Variants in CADPS2 observed in about 807,000 individuals in gnomAD.
CADPS2 encodes calcium-dependent secretion activator 2.
A neutral mutation model predicts 172.5 loss-of-function variants in CADPS2; 93 were observed. The observed-to-expected ratio is 0.54, with a 90% CI of 0.46 to 0.64. The LOEUF (loss-of-function observed/expected upper bound fraction) is 0.64. Ranked by LOEUF, CADPS2 falls within the 30% of genes least tolerant of loss-of-function variation. The pLI, the probability that CADPS2 is intolerant of heterozygous loss-of-function variation, is 0.00. For synonymous variants in CADPS2, 546 were observed against 555.2 expected (o/e 0.98, Z 0.23); for missense variants, 1,420 against 1,565.9 (o/e 0.91, Z 1.57).
chr7:122,824,851 T>C (rs1804427667), intron 1 of CADPS2, among the ~76,000 whole-genome samples: 2 of 152,238 alleles, frequency 1.3e-5, no homozygotes. Flanking sequence ...TAGTATATCA[T>C]GTGAGGAACA....
intron 13 of CADPS2, among the ~76,000 whole-genome samples, chr7:122,472,736 T>A (rs947460097): frequency 6.6e-6 from 1 of 152,152 alleles, no homozygotes; most frequent in African/African-American, 2.4e-5. Flanking sequence ...AGAATAGGAT[T>A]TTGAGATGAT....
intron 8 of CADPS2, among the ~76,000 whole-genome samples, chr7:122,522,155 C>T (rs2131054930): frequency 6.6e-6 from 1 of 152,104 alleles, no homozygotes; most frequent in Middle Eastern, 3.4e-3. Context: ...CACTCTGTTG[C>T]CCAGGCTGGA....
intron 20 of CADPS2, among the ~76,000 whole-genome samples, chr7:122,395,811 T>C (rs1024082032): frequency 2.7e-5 from 4 of 150,942 alleles, no homozygotes; most frequent in African/African-American, 4.9e-5. Flanking sequence ...ATTTTTTTTT[T>C]CTTTTTTTTT....
At chr7:122,536,089 T>C (rs1225843023) in intron 8 of CADPS2, among the ~76,000 whole-genome samples, 1 of 152,134 alleles carries the variant, frequency 6.6e-6, no homozygotes, top group Admixed American at 6.6e-5. Flanking sequence ...ACCTAAATTT[T>C]ATAATGTAAA....
chr7:122,601,847 T>C (rs559642884), intron 6 of CADPS2, among the ~76,000 whole-genome samples: 1 of 152,082 alleles, frequency 6.6e-6, no homozygotes, highest in Admixed American at 6.6e-5. Flanking sequence ...CTGTGGACAA[T>C]AGCTCTCATG....
At chr7:122,636,224 TA>T (rs894231295) in intron 3 of CADPS2, among the ~76,000 whole-genome samples, 38 of 152,166 alleles carry the variant, frequency 2.5e-4, no homozygotes, top group African/African-American at 8.9e-4. Context: ...GTTTTTGTGG[TA>T]GCAGGTTTTG....
chr7:122,639,219 T>C (rs888404891), intron 3 of CADPS2, among the ~76,000 whole-genome samples: 2 of 152,242 alleles, frequency 1.3e-5, no homozygotes, highest in Non-Finnish European at 2.9e-5. Context: ...CTTTTTTACA[T>C]GTAAGAATCT....
At chr7:122,393,067 A>T (rs2044588803) in intron 22 of CADPS2, 129 bp downstream of exon 22, 3 of 1,024,794 alleles carry the variant, frequency 2.9e-6, no homozygotes, top group African/African-American at 2.1e-5. Flanking sequence ...AACTCAAATA[A>T]AAAAAAAAAA....
intron 28 of CADPS2, among the ~76,000 whole-genome samples, chr7:122,341,211 A>G (rs911155481): frequency 6.6e-6 from 1 of 152,230 alleles, no homozygotes; most frequent in African/African-American, 2.4e-5. Context: ...CTACTTTTGT[A>G]GATAGATTTT....
At chr7:122,883,275 T>G (rs549464600) in intron 1 of CADPS2, among the ~76,000 whole-genome samples, 1 of 152,168 alleles carries the variant, frequency 6.6e-6, no homozygotes, top group Non-Finnish European at 1.5e-5. Context: ...AAGAGAAACC[T>G]GACTCCTGGC....
intron 1 of CADPS2, among the ~76,000 whole-genome samples, chr7:122,859,128 T>C (rs1816194773): frequency 6.6e-6 from 1 of 152,220 alleles, no homozygotes; most frequent in African/African-American, 2.4e-5. Flanking sequence ...TTACTCTTGG[T>C]TTCTTGTTTT....
intron 1 of CADPS2, among the ~76,000 whole-genome samples, chr7:122,884,270 T>A (rs1480961535): frequency 6.6e-6 from 1 of 152,176 alleles, no homozygotes; most frequent in East Asian, 1.9e-4. Flanking sequence ...GTTTTAACAA[T>A]GACTATTGAA....
Position 122,879,697 on chromosome 7 carries a change from C to A in CADPS2, c.339+6302G>T, listed in dbSNP as rs567360380. ...AGGCTTTAAATTTTCAGGCCCTTTG[C>A]CCCAGTAATATTTTCATTATAAAAA... is the stretch of plus-strand genomic sequence containing the variant. On this transcript the variant is annotated intron_variant, in intron 1 of 29. Transcript: ENST00000449022. Among the ~76,000 whole-genome samples the A allele has an allele frequency of 2.7e-4, 41 of 152,146 alleles. No individual in the cohort carries two copies. The East Asian group carries it at 7.3e-3, about 27-fold the overall frequency.
At chr7:122,712,992 G>T (rs1184403076) in intron 2 of CADPS2, among the ~76,000 whole-genome samples, 2 of 151,896 alleles carry the variant, frequency 1.3e-5, no homozygotes, top group African/African-American at 2.4e-5. Context: ...CAAACATTCA[G>T]GTTACGGCAC....
chr7:122,488,839 C>T (rs928937152), intron 11 of CADPS2, among the ~76,000 whole-genome samples: 4 of 152,118 alleles, frequency 2.6e-5, no homozygotes, highest in Admixed American at 2.6e-4. Context: ...AAGATATGTT[C>T]AATTGTAGAA....
chr7:122,833,578 T>A (rs2140677853), intron 1 of CADPS2, among the ~76,000 whole-genome samples: 1 of 152,062 alleles, frequency 6.6e-6, no homozygotes, highest in Admixed American at 6.6e-5. Flanking sequence ...GTAATTTTAG[T>A]AGAGATGGGG....
At chr7:122,489,783 CA>C (rs2058128667) in intron 11 of CADPS2, among the ~76,000 whole-genome samples, 1 of 152,052 alleles carries the variant, frequency 6.6e-6, no homozygotes, top group African/African-American at 2.4e-5. Context: ...TCAAAAATCA[CA>C]ATAAACTAAA....
At chr7:122,377,007 A>G (rs572353603) in intron 25 of CADPS2, among the ~76,000 whole-genome samples, 1 of 152,316 alleles carries the variant, frequency 6.6e-6, no homozygotes, top group East Asian at 1.9e-4. Flanking sequence ...CAACCTATCA[A>G]GTAAACTTAT....
intron 2 of CADPS2, among the ~76,000 whole-genome samples, chr7:122,722,343 C>G (rs547214380): frequency 0.02 from 3,067 of 151,688 alleles, 44 homozygotes; most frequent in Non-Finnish European, 0.031. Flanking sequence ...CTTCAGCAAA[C>G]TCTCAGGATA....
Sources: gnomAD v4.1 joint callset for allele counts (sites outside exome capture counted in the v4.1 genomes callset) on GRCh38, gnomAD v4.1.1 for gene constraint, MANE v1.5 for transcripts, NCBI Gene and HGNC (gene_info 2026-07-23, HGNC 2026-07-21) for gene names.